Variants in MDFIC2 observed in about 807,000 individuals in gnomAD.
The protein encoded by MDFIC2 is MyoD family inhibitor domain containing 2.
intron 2 of MDFIC2, among the ~76,000 whole-genome samples, chr3:70,302,287 A>G (rs1247221990): frequency 1.3e-5 from 2 of 151,982 alleles, no homozygotes; most frequent in African/African-American, 4.8e-5. Flanking sequence ...TGGTCTGGTG[A>G]ACACCTAGTG....
chr3:70,273,144 A>G (rs983736101), intron 2 of MDFIC2, among the ~76,000 whole-genome samples: 5 of 152,196 alleles, frequency 3.3e-5, no homozygotes, highest in African/African-American at 1.2e-4. Context: ...AAAAGGACTG[A>G]CAAATCTAAG....
At position 70,277,004 on chromosome 3, in the gene MDFIC2, A is replaced by G. The variant is rs528413651; in HGVS notation, c.88+34882T>C. ...TATTCTTTCTTAAGGAACTCTTCACACACACATAATTTTTAGCATGGCATT... is the reference window on the plus strand; with the variant it reads ...TATTCTTTCTTAAGGAACTCTTCACGCACACATAATTTTTAGCATGGCATT... On this transcript the variant is annotated intron_variant, in intron 2 of 3. Coordinates refer to ENST00000567252, the MANE Select transcript of MDFIC2 (RefSeq NM_001364677.1). Among the ~76,000 whole-genome samples the G allele has an allele frequency of 1.6e-4, 24 of 152,204 alleles. No homozygotes were observed. In the East Asian group the frequency reaches 3.9e-3, roughly 24 times the overall value.
intron 2 of MDFIC2, among the ~76,000 whole-genome samples, chr3:70,308,413 C>T (rs1208334182): frequency 6.6e-6 from 1 of 152,064 alleles, no homozygotes; most frequent in African/African-American, 2.4e-5. Context: ...AAGAGGGTTT[C>T]TCCAAGCATG....
chr3:70,293,045 CAAAAAAAAA>C (rs55990203), intron 2 of MDFIC2, among the ~76,000 whole-genome samples: 6,559 of 74,816 alleles, frequency 0.088, 458 homozygotes, highest in East Asian at 0.5. Context: ...TGGTTTGAAG[CAAAAAAAAA>C]AAAAAAAAAA....
At chr3:70,258,027 G>A (rs1701832753) in intron 2 of MDFIC2, among the ~76,000 whole-genome samples, 1 of 152,162 alleles carries the variant, frequency 6.6e-6, no homozygotes, top group Non-Finnish European at 1.5e-5. Context: ...TTAAATGGGG[G>A]AAATGGAGAG....
chr3:70,212,943 A>G (rs540845953), intron 2 of MDFIC2, among the ~76,000 whole-genome samples: 1 of 152,094 alleles, frequency 6.6e-6, no homozygotes, highest in Admixed American at 6.6e-5. Context: ...ATAGGCGTGC[A>G]CCAACACAGC....
chr3:70,310,927 A>T (rs377284792), intron 2 of MDFIC2, among the ~76,000 whole-genome samples: 2 of 152,158 alleles, frequency 1.3e-5, no homozygotes, highest in African/African-American at 4.8e-5. Context: ...ATTTTAGGCA[A>T]GTTACTAGAA....
intron 2 of MDFIC2, among the ~76,000 whole-genome samples, chr3:70,251,702 A>G (rs145428377): frequency 2.6e-5 from 4 of 152,260 alleles, no homozygotes; most frequent in African/African-American, 9.6e-5. Context: ...ACCCGCAATT[A>G]CTTTTGCCCC....
chr3:70,210,116 C>T (rs1172035878), intron 2 of MDFIC2, among the ~76,000 whole-genome samples: 1 of 152,080 alleles, frequency 6.6e-6, no homozygotes, highest in Non-Finnish European at 1.5e-5. Flanking sequence ...ATAGAGGTTA[C>T]TGGAATGTAA....
At chr3:70,211,220 C>G (rs185738897) in intron 2 of MDFIC2, among the ~76,000 whole-genome samples, 350 of 151,414 alleles carry the variant, frequency 2.3e-3, no homozygotes, top group African/African-American at 8.0e-3. Context: ...CCTTTCACTT[C>G]CTTTCCTTTC....
At chr3:70,262,695 C>G (rs1044353612) in intron 2 of MDFIC2, among the ~76,000 whole-genome samples, 3 of 152,146 alleles carry the variant, frequency 2.0e-5, no homozygotes, top group African/African-American at 7.2e-5. Flanking sequence ...ATGCACCATG[C>G]TTGCCTTGCT....
chr3:70,270,864 T>C (rs1166136671), intron 2 of MDFIC2, among the ~76,000 whole-genome samples: 2 of 151,900 alleles, frequency 1.3e-5, no homozygotes, highest in East Asian at 3.9e-4. Flanking sequence ...GAGGGGAACA[T>C]CACACACCAG....
chr3:70,198,080 A>G (rs1176494871), intron 3 of MDFIC2, among the ~76,000 whole-genome samples: 1 of 152,172 alleles, frequency 6.6e-6, no homozygotes, highest in African/African-American at 2.4e-5. Context: ...TTAAGTTAAA[A>G]AAGTCTAAAA....
At chr3:70,211,080 T>C (rs937189180) in intron 2 of MDFIC2, among the ~76,000 whole-genome samples, 2 of 152,154 alleles carry the variant, frequency 1.3e-5, no homozygotes, top group African/African-American at 4.8e-5. Context: ...TTTCTCTCAT[T>C]TGACTCTTCA....
At chr3:70,237,979 C>CTTTTTTTTTTTT (rs71672662) in intron 2 of MDFIC2, among the ~76,000 whole-genome samples, 1,378 of 48,930 alleles carry the variant, frequency 0.028, 462 homozygotes, top group African/African-American at 0.048. Flanking sequence ...TGAGTGGTAT[C>CTTTTTTTTTTTT]TTTTTTTTTT....
At chr3:70,304,689 G>A (rs1258722390) in intron 2 of MDFIC2, among the ~76,000 whole-genome samples, 1 of 151,954 alleles carries the variant, frequency 6.6e-6, no homozygotes, top group Admixed American at 6.6e-5. Flanking sequence ...ACCATCTTTT[G>A]CATGGCCAAC....
intron 2 of MDFIC2, among the ~76,000 whole-genome samples, chr3:70,237,979 C>CTTTTTGTTTTTTTTTTTTTTTT (rs1701628018): frequency 2.0e-5 from 1 of 48,932 alleles, no homozygotes; most frequent in Non-Finnish European, 3.2e-5. Flanking sequence ...TGAGTGGTAT[C>CTTTTTGTTTTTTTTTTTTTTTT]TTTTTTTTTT....
At chr3:70,264,693 G>A (rs2030527) in intron 2 of MDFIC2, among the ~76,000 whole-genome samples, 35,642 of 152,148 alleles carry the variant, frequency 0.23, 4,319 homozygotes, top group South Asian at 0.31. Flanking sequence ...AGTGAACATG[G>A]CAGATGCAGT....
At chr3:70,289,869 G>C (rs1051941032) in intron 2 of MDFIC2, among the ~76,000 whole-genome samples, 1 of 151,858 alleles carries the variant, frequency 6.6e-6, no homozygotes, top group Admixed American at 6.6e-5. Context: ...TGAGGCTTCT[G>C]CATTCTTCAC....
Sources: allele counts gnomAD v4.1 joint callset (sites outside exome capture counted in the v4.1 genomes callset), GRCh38; gene constraint gnomAD v4.1.1; transcripts MANE v1.5; gene names NCBI Gene and HGNC (gene_info 2026-07-23, HGNC 2026-07-21).